PTCHD4: variants seen among roughly 807,000 people sequenced by gnomAD.
The protein encoded by PTCHD4 is patched domain containing 4.
In PTCHD4, 33 loss-of-function variants were observed where a neutral mutation model predicts 58.1. That is an observed-to-expected ratio of 0.57 (90% confidence interval 0.43 to 0.76). The LOEUF is 0.76. Among genes scored for constraint, PTCHD4 ranks in the 30% least tolerant of loss-of-function variants. The pLI, the probability that PTCHD4 is intolerant of heterozygous loss-of-function variation, is 0.00. For missense variants in PTCHD4, 1,058 were observed against 1,027.1 expected, an observed-to-expected ratio of 1.03 and a Z score of -0.41; for synonymous variants, 478 against 409.6, an observed-to-expected ratio of 1.17 and a Z score of -2.02.
intron 4 of PTCHD4, among the ~76,000 whole-genome samples, chr6:47,938,697 G>A (rs555797211): frequency 1.3e-5 from 2 of 152,302 alleles, no homozygotes; most frequent in Non-Finnish European, 2.9e-5. Context: ...GTGCTTGTGT[G>A]TTTTTCTTCA....
intron 3 of PTCHD4, among the ~76,000 whole-genome samples, chr6:48,065,733 A>G (rs1764771943): frequency 6.6e-6 from 1 of 152,164 alleles, no homozygotes; most frequent in Non-Finnish European, 1.5e-5. Context: ...GCTTTCAGAA[A>G]ATCTCAAAAG....
chr6:48,107,281 C>G (rs563209668), intron 1 of PTCHD4, among the ~76,000 whole-genome samples: 1 of 152,226 alleles, frequency 6.6e-6, no homozygotes, highest in East Asian at 1.9e-4. Context: ...GAACAGAGCC[C>G]TCAGAAATAA....
chr6:47,896,047 T>C (rs1205155209), intron 4 of PTCHD4, among the ~76,000 whole-genome samples: 1 of 152,234 alleles, frequency 6.6e-6, no homozygotes, highest in East Asian at 1.9e-4. Context: ...GTTTTGTAGA[T>C]AAACTTGTTA....
chr6:48,060,401 C>T (rs1764578549), intron 3 of PTCHD4, among the ~76,000 whole-genome samples: 4 of 152,212 alleles, frequency 2.6e-5, no homozygotes, highest in Admixed American at 2.6e-4. Context: ...TCTTTCATAA[C>T]CTCCTGAAAC....
At chr6:47,955,516 T>G (rs1354425137) in intron 4 of PTCHD4, among the ~76,000 whole-genome samples, 1 of 152,180 alleles carries the variant, frequency 6.6e-6, no homozygotes, top group East Asian at 1.9e-4. Context: ...TGATTGACCA[T>G]TATGGTTGGT....
rs1763421610 is a variant in PTCHD4, at chr6:47,861,366, T to A, written c.*16937A>T. Among the ~76,000 whole-genome samples the A allele has an allele frequency of 6.6e-6, 1 of 151,970 alleles. No individual in the cohort carries two copies. Among genetic ancestry groups the A allele is most frequent in the Non-Finnish European group, 1.5e-5 (1 of 67,928 alleles). On this transcript the variant is annotated 3_prime_UTR_variant, in exon 5 of 5. Coordinates refer to ENST00000339488, the MANE Select transcript of PTCHD4 (RefSeq NM_001384253.1). ...TTGCCTGACTGTTTACTTACTAGTA[T>A]TTATTTCTTTTGGGTAAAATTATGA... is the stretch of plus-strand genomic sequence containing the variant.
At chr6:47,991,254 G>T (rs1224671946) in intron 4 of PTCHD4, among the ~76,000 whole-genome samples, 2 of 152,024 alleles carry the variant, frequency 1.3e-5, no homozygotes, top group South Asian at 2.1e-4. Flanking sequence ...CAGCGAAACT[G>T]CAGAAAACCA....
At chr6:47,899,309 C>A (rs192275172) in intron 4 of PTCHD4, among the ~76,000 whole-genome samples, 1 of 152,306 alleles carries the variant, frequency 6.6e-6, no homozygotes, top group Non-Finnish European at 1.5e-5. Context: ...TTTCACTGTA[C>A]TATAATTATC....
intron 4 of PTCHD4, among the ~76,000 whole-genome samples, chr6:47,944,126 A>T (rs1478244913): frequency 6.6e-6 from 1 of 152,026 alleles, no homozygotes; most frequent in African/African-American, 2.4e-5. Flanking sequence ...TCACTGTTCT[A>T]TGTTTCTATA....
chr6:47,860,079 G>T lies in PTCHD4; in HGVS notation c.*18224C>A, dbSNP rs1208170133. 2.0e-5 allele frequency among the ~76,000 whole-genome samples: 3 copies of T among 152,000 alleles called. No homozygotes were observed. The East Asian group carries it at 5.8e-4, about 29-fold the overall frequency. On this transcript the variant is annotated 3_prime_UTR_variant, in exon 5 of 5. Transcript: ENST00000339488. ...ATGCCTTCTTCAAGGCCTATTTGAA[G>T]CTGCATTTCCTTCTTGAAGTATTCC...
chr6:47,977,589 C>G (rs1767740568), intron 4 of PTCHD4, among the ~76,000 whole-genome samples: 1 of 152,146 alleles, frequency 6.6e-6, no homozygotes, highest in Non-Finnish European at 1.5e-5. Flanking sequence ...ACAGAGGACT[C>G]ATTATGGCCA....
intron 1 of PTCHD4, among the ~76,000 whole-genome samples, chr6:48,101,975 A>T (rs140697668): frequency 0.02 from 3,014 of 152,314 alleles, 63 homozygotes; most frequent in Non-Finnish European, 0.03. Flanking sequence ...CTGTGGAAGA[A>T]CAGCTTCCCA....
chr6:47,864,309 T>C lies in PTCHD4; in HGVS notation c.*13994A>G, dbSNP rs1220741652. Among the ~76,000 whole-genome samples, 1 of 87,922 alleles carries C rather than the reference T, an allele frequency of 1.1e-5. No homozygotes were observed. The highest frequency in any genetic ancestry group is 3.6e-5 in the African/African-American group (1 of 27,546). The allele number at this position is 87,922 out of a possible 152,430, so 57.7% of individuals were successfully genotyped here. ...AATGGAGCCCATTATTTTTGAGATA[T>C]ATATATACACACACACACACATATA... On this transcript the variant is annotated 3_prime_UTR_variant, in exon 5 of 5. Transcript: ENST00000339488.
At chr6:48,040,313 C>T (rs1186270317) in intron 3 of PTCHD4, among the ~76,000 whole-genome samples, 1 of 151,944 alleles carries the variant, frequency 6.6e-6, no homozygotes, top group Non-Finnish European at 1.5e-5. Context: ...TTGTGAAGTG[C>T]AATAATGGAT....
chr6:47,895,226 G>T (rs1764497929), intron 4 of PTCHD4, among the ~76,000 whole-genome samples: 1 of 152,156 alleles, frequency 6.6e-6, no homozygotes, highest in Non-Finnish European at 1.5e-5. Flanking sequence ...TGGACCCCAG[G>T]GAAAGATGAG....
chr6:47,940,712 G>T lies in PTCHD4; in HGVS notation c.899-60776C>A, dbSNP rs144032487. On this transcript the variant is annotated intron_variant, in intron 4 of 4. Coordinates refer to ENST00000339488, the MANE Select transcript of PTCHD4 (RefSeq NM_001384253.1). ...TTGAAAAATATGACTTAATAGGAAA[G>T]TCACCCAGAGTATAAGATATGGGAA... 9.2e-5 allele frequency among the ~76,000 whole-genome samples: 14 copies of T among 152,270 alleles called. No homozygotes were observed. The East Asian group carries it at 2.1e-3, about 23-fold the overall frequency.
intron 4 of PTCHD4, among the ~76,000 whole-genome samples, chr6:47,911,432 C>T (rs995729936): frequency 3.9e-5 from 6 of 152,142 alleles, no homozygotes; most frequent in South Asian, 2.1e-4. Context: ...CTCTATGCTG[C>T]TTCTTCCAAC....
chr6:47,941,873 C>T (rs900416110), intron 4 of PTCHD4, among the ~76,000 whole-genome samples: 9 of 151,996 alleles, frequency 5.9e-5, no homozygotes, highest in Non-Finnish European at 1.2e-4. Context: ...TTGATATTTC[C>T]TTAAAAGTGG....
intron 4 of PTCHD4, among the ~76,000 whole-genome samples, chr6:47,997,549 G>T (rs116345688): frequency 0.017 from 2,657 of 152,246 alleles, 37 homozygotes; most frequent in South Asian, 0.047. Flanking sequence ...CTAAGTCAAC[G>T]AGGGGAAGCA....
Sources: allele counts gnomAD v4.1 joint callset (sites outside exome capture counted in the v4.1 genomes callset), GRCh38; gene constraint gnomAD v4.1.1; transcripts MANE v1.5; gene names NCBI Gene and HGNC (gene_info 2026-07-23, HGNC 2026-07-21).